Variants in MAGI1 observed in about 807,000 individuals in gnomAD.
The protein encoded by MAGI1 is membrane associated guanylate kinase, WW and PDZ domain containing 1, also known as membrane-associated guanylate kinase, WW and PDZ domain-containing protein 1.
Under a neutral mutation model 139.9 loss-of-function variants are expected in MAGI1, and 58 were observed. The ratio of observed to expected loss-of-function variants is 0.41; its 90% CI spans 0.34 to 0.52. The LOEUF is 0.52. Among genes scored for constraint, MAGI1 ranks in the 20% least tolerant of loss-of-function variants. MAGI1 has a pLI of 0.12. For missense variants in MAGI1, 1,874 were observed against 1,901.6 expected, an observed-to-expected ratio of 0.99 and a Z score of 0.27; for synonymous variants, 812 against 737.9, an observed-to-expected ratio of 1.10 and a Z score of -1.63.
chr3:65,707,452 G>C (rs112882760), intron 1 of MAGI1, among the ~76,000 whole-genome samples: 1 of 152,090 alleles, frequency 6.6e-6, no homozygotes, highest in Non-Finnish European at 1.5e-5. Flanking sequence ...TTGGGAGGCC[G>C]AGCCAGGTGA....
intron 2 of MAGI1, among the ~76,000 whole-genome samples, chr3:65,552,921 T>C (rs1181264534): frequency 6.6e-6 from 1 of 152,176 alleles, no homozygotes; most frequent in Non-Finnish European, 1.5e-5. Context: ...TCACAGATGG[T>C]AAACGTAAAA....
At chr3:65,489,701 T>C (rs1226883192) in intron 3 of MAGI1, among the ~76,000 whole-genome samples, 1 of 152,152 alleles carries the variant, frequency 6.6e-6, no homozygotes. Flanking sequence ...ATCTCCAGGG[T>C]ATGTTAAGGG....
chr3:65,799,790 G>C (rs750998970), intron 1 of MAGI1, among the ~76,000 whole-genome samples: 68 of 151,976 alleles, frequency 4.5e-4, no homozygotes, highest in Admixed American at 8.5e-4. Flanking sequence ...TATTTATTTG[G>C]GCTGATGTTT....
intron 2 of MAGI1, among the ~76,000 whole-genome samples, chr3:65,601,947 A>G (rs1193099422): frequency 6.6e-6 from 1 of 152,162 alleles, no homozygotes; most frequent in Non-Finnish European, 1.5e-5. Context: ...AGGCAAAGGA[A>G]TTCAATAGGC....
At chr3:65,420,419 A>G (rs13089912) in intron 12 of MAGI1, among the ~76,000 whole-genome samples, 25,371 of 151,380 alleles carry the variant, frequency 0.17, 3,358 homozygotes, top group East Asian at 0.66. Flanking sequence ...TGTTCACTTT[A>G]CCTGCTCTGA....
At chr3:65,555,587 G>A (rs566175148) in intron 2 of MAGI1, among the ~76,000 whole-genome samples, 1 of 152,298 alleles carries the variant, frequency 6.6e-6, no homozygotes, top group South Asian at 2.1e-4. Flanking sequence ...AGCCTGGTAT[G>A]GTGGCTCATG....
chr3:65,723,808 G>A (rs1323827643), intron 1 of MAGI1, among the ~76,000 whole-genome samples: 1 of 152,320 alleles, frequency 6.6e-6, no homozygotes, highest in Non-Finnish European at 1.5e-5. Context: ...ATGCTAAAGT[G>A]AGAGTGATCA....
intron 1 of MAGI1, among the ~76,000 whole-genome samples, chr3:65,702,394 G>T (rs1398130048): frequency 1.3e-5 from 2 of 152,076 alleles, no homozygotes; most frequent in African/African-American, 2.4e-5. Context: ...ATTTATCATG[G>T]GACCATGTGC....
chr3:65,441,819 T>C lies in MAGI1; in HGVS notation c.1136+973A>G, dbSNP rs576550137. 2.0e-5 allele frequency among the ~76,000 whole-genome samples: 3 copies of C among 152,302 alleles called. No homozygotes were observed. The South Asian group carries it at 6.2e-4, about 32-fold the overall frequency. On this transcript the variant is annotated intron_variant, in intron 8 of 22. Coordinates refer to ENST00000402939, the MANE Select transcript of MAGI1 (RefSeq NM_001033057.2). ...TACTGGCCAAGGACACTTGCTATAT[T>C]GAACTCATAATTTCTACAGTAAGAT...
At chr3:65,516,278 CA>C (rs1256414914) in intron 2 of MAGI1, among the ~76,000 whole-genome samples, 1 of 152,040 alleles carries the variant, frequency 6.6e-6, no homozygotes, top group Non-Finnish European at 1.5e-5. Flanking sequence ...CTCCTGGGTT[CA>C]AGCGATTCCC....
intron 1 of MAGI1, among the ~76,000 whole-genome samples, chr3:65,734,141 A>C (rs2107746485): frequency 6.6e-6 from 1 of 152,188 alleles, no homozygotes; most frequent in Non-Finnish European, 1.5e-5. Context: ...ATGCCAACTC[A>C]TTTTTCATTT....
At chr3:65,509,690 C>CT (rs1355784119) in intron 2 of MAGI1, among the ~76,000 whole-genome samples, 1 of 152,130 alleles carries the variant, frequency 6.6e-6, no homozygotes, top group Non-Finnish European at 1.5e-5. Context: ...GCACAGCAGT[C>CT]TGAGATCAAA....
chr3:66,028,302 G>C (rs1437501652), intron 1 of MAGI1, among the ~76,000 whole-genome samples: 2 of 152,144 alleles, frequency 1.3e-5, no homozygotes. Flanking sequence ...GTACTTCAAT[G>C]AGCACCACTT....
At position 65,723,477 on chromosome 3, in the gene MAGI1, C is replaced by A. The variant is rs148371326; in HGVS notation, c.314-101389G>T. Among the ~76,000 whole-genome samples, 6 of 152,286 alleles carry A rather than the reference C, an allele frequency of 3.9e-5. No homozygotes were observed. The East Asian group carries it at 1.2e-3, about 29-fold the overall frequency. On this transcript the variant is annotated intron_variant, in intron 1 of 22. Coordinates refer to ENST00000402939, the MANE Select transcript of MAGI1 (RefSeq NM_001033057.2). ...AAGAGCCATCTCTTGGCACCTCTGGCTGTAGAATCTCCTCAAGCAGCAGTT... is the reference window on the plus strand; with the variant it reads ...AAGAGCCATCTCTTGGCACCTCTGGATGTAGAATCTCCTCAAGCAGCAGTT...
intron 1 of MAGI1, among the ~76,000 whole-genome samples, chr3:65,929,239 A>ATACATCCT (rs1366261151): frequency 6.6e-6 from 1 of 152,080 alleles, no homozygotes; most frequent in African/African-American, 2.4e-5. Context: ...TATATACCTC[A>ATACATCCT]TTCATCCTTT....
intron 1 of MAGI1, among the ~76,000 whole-genome samples, chr3:65,764,480 A>G (rs531126923): frequency 6.6e-6 from 1 of 152,354 alleles, no homozygotes; most frequent in African/African-American, 2.4e-5. Context: ...AAAAGAACCA[A>G]CATTTTAGAA....
At chr3:65,401,917 A>G (rs761128811) in intron 12 of MAGI1, 1 of 984,904 alleles carries the variant, frequency 1.0e-6, no homozygotes, top group Non-Finnish European at 1.2e-6. Flanking sequence ...AAAGGAGTAC[A>G]TGGTTAAAAT....
rs2088296808 is a variant in MAGI1, at chr3:65,688,727, A to G, written c.314-66639T>C. ...CTATGACATTCATCTACAATGAAGGAGGATACCAACATATTTTCCTAATAT... is the reference window on the plus strand; with the variant it reads ...CTATGACATTCATCTACAATGAAGGGGGATACCAACATATTTTCCTAATAT... On this transcript the variant is annotated intron_variant, in intron 1 of 22. Coordinates refer to ENST00000402939, the MANE Select transcript of MAGI1 (RefSeq NM_001033057.2). 2.0e-5 allele frequency among the ~76,000 whole-genome samples: 3 copies of G among 152,198 alleles called. No individual in the cohort carries two copies. In the South Asian group the frequency reaches 6.2e-4, roughly 32 times the overall value.
At chr3:65,379,664 G>A in intron 16 of MAGI1, 110 bp from the exon 17 acceptor site, 1 of 1,500,586 alleles carries the variant, frequency 6.7e-7, no homozygotes, top group Admixed American at 2.0e-5. Flanking sequence ...TGAACCGAGG[G>A]GAGGAGACAG....
Sources: allele counts gnomAD v4.1 joint callset (sites outside exome capture counted in the v4.1 genomes callset), GRCh38; gene constraint gnomAD v4.1.1; transcripts MANE v1.5; gene names NCBI Gene and HGNC (gene_info 2026-07-23, HGNC 2026-07-21).